GAB2: variants seen among roughly 807,000 people sequenced by gnomAD.
The protein encoded by GAB2 is GRB2 associated binding protein 2.
GAB2 carries 26 observed loss-of-function variants against 65.5 expected under a neutral mutation model. The observed-to-expected ratio is 0.40, with a 90% CI of 0.29 to 0.55. The LOEUF (loss-of-function observed/expected upper bound fraction) is 0.55, where lower values mean the gene tolerates loss of function less well. Ranked by LOEUF, GAB2 falls within the 20% of genes least tolerant of loss-of-function variation. GAB2 has a pLI of 0.53. For missense variants in GAB2, 884 were observed against 875.8 expected (o/e 1.01, Z -0.12); for synonymous variants, 321 against 329.6 (o/e 0.97, Z 0.28).
intron 1 of GAB2, among the ~76,000 whole-genome samples, chr11:78,397,402 A>G (rs1378710674): frequency 6.6e-6 from 1 of 152,232 alleles, no homozygotes; most frequent in African/African-American, 2.4e-5. Context: ...CTACCATTTT[A>G]GGGGAAGCAC....
chr11:78,221,646 G>T, intron 8 of GAB2, 31 bp downstream of exon 8: 2 of 1,408,436 alleles, frequency 1.4e-6, no homozygotes, highest in Non-Finnish European at 2.0e-6. Flanking sequence ...GACTTGAAAG[G>T]CGTCATTCCA....
chr11:78,302,988 G>T (rs1301288333), intron 1 of GAB2, among the ~76,000 whole-genome samples: 1 of 152,198 alleles, frequency 6.6e-6, no homozygotes, highest in African/African-American at 2.4e-5. Context: ...TGGGAGCTAA[G>T]CTATGAGGAT....
At chr11:78,379,628 C>A (rs1856672974) in intron 1 of GAB2, among the ~76,000 whole-genome samples, 1 of 152,182 alleles carries the variant, frequency 6.6e-6, no homozygotes, top group Admixed American at 6.5e-5. Flanking sequence ...TCTATTTTAA[C>A]ATCAAAATCA....
intron 1 of GAB2, among the ~76,000 whole-genome samples, chr11:78,391,854 T>A (rs188291352): frequency 6.6e-5 from 10 of 152,352 alleles, no homozygotes; most frequent in Admixed American, 3.9e-4. Flanking sequence ...CATTAACTTT[T>A]GGGCATGCTT....
intron 1 of GAB2, chr11:78,392,407 A>T (rs1052695459): frequency 6.6e-6 from 1 of 152,192 alleles, no homozygotes; most frequent in Non-Finnish European, 1.5e-5. Context: ...GTTGTTAGGA[A>T]CAATCAGTGC....
intron 1 of GAB2, among the ~76,000 whole-genome samples, chr11:78,385,753 G>A (rs1057217804): frequency 2.0e-5 from 3 of 152,216 alleles, no homozygotes; most frequent in African/African-American, 7.2e-5. Flanking sequence ...AAGTTACCAT[G>A]TAGAGATTGA....
At chr11:78,356,301 T>C (rs1444785335) in intron 1 of GAB2, among the ~76,000 whole-genome samples, 1 of 152,178 alleles carries the variant, frequency 6.6e-6, no homozygotes, top group Non-Finnish European at 1.5e-5. Context: ...CTACTGGATA[T>C]TGGGGCACTT....
intron 2 of GAB2, among the ~76,000 whole-genome samples, chr11:78,255,217 GCCA>G (rs1865564830): frequency 1.3e-5 from 2 of 152,090 alleles, no homozygotes; most frequent in East Asian, 3.9e-4. Flanking sequence ...ACTGCTGGCA[GCCA>G]CCAGGAACTA....
intron 1 of GAB2, among the ~76,000 whole-genome samples, chr11:78,376,064 AGGGGAAATATG>A (rs1212054593): frequency 6.6e-6 from 1 of 152,354 alleles, no homozygotes; most frequent in East Asian, 1.9e-4. Flanking sequence ...GTATAATTAG[AGGGGAAATATG>A]GGGGAAATGT....
intron 1 of GAB2, among the ~76,000 whole-genome samples, chr11:78,330,622 A>G (rs1025443985): frequency 6.6e-6 from 1 of 152,088 alleles, no homozygotes. Flanking sequence ...GAAAAGGCTT[A>G]CTCTTAGACC....
intron 1 of GAB2, among the ~76,000 whole-genome samples, chr11:78,328,085 T>C (rs559009962): frequency 2.2e-4 from 33 of 152,260 alleles, no homozygotes; most frequent in African/African-American, 7.5e-4. Context: ...CAAAGCCCTA[T>C]TACCCTCACC....
At chr11:78,411,885 C>T (rs1405664263) in intron 1 of GAB2, among the ~76,000 whole-genome samples, 2 of 151,994 alleles carry the variant, frequency 1.3e-5, no homozygotes, top group African/African-American at 2.4e-5. Context: ...CAAAAATGAG[C>T]TGGGCATGGT....
At chr11:78,323,592 T>C (rs970816399) in intron 1 of GAB2, among the ~76,000 whole-genome samples, 9 of 149,986 alleles carry the variant, frequency 6.0e-5, no homozygotes, top group Admixed American at 6.0e-4. Context: ...ATATTGGGTA[T>C]ACACAGACAT....
At chr11:78,406,222 G>A (rs2135088746) in intron 1 of GAB2, among the ~76,000 whole-genome samples, 1 of 152,306 alleles carries the variant, frequency 6.6e-6, no homozygotes, top group South Asian at 2.1e-4. Context: ...GAGTGTCAAT[G>A]GAGGTGGAAT....
chr11:78,297,945 G>A (rs1056251110), intron 1 of GAB2, among the ~76,000 whole-genome samples: 7 of 152,242 alleles, frequency 4.6e-5, no homozygotes, highest in African/African-American at 1.7e-4. Context: ...GCTCCTTGTT[G>A]AGGGGAATGG....
intron 1 of GAB2, among the ~76,000 whole-genome samples, chr11:78,410,643 G>A (rs1420407925): frequency 6.6e-6 from 1 of 152,184 alleles, no homozygotes; most frequent in Admixed American, 6.5e-5. Context: ...TCACATGTAT[G>A]TAACAACTTA....
At position 78,227,003 on chromosome 11, in the gene GAB2, ACTC is replaced by A. The variant is rs749030484; in HGVS notation, c.666_668del (p.Arg222del). The A allele has an allele frequency of 5.0e-5, 81 of 1,613,122 alleles. No homozygotes were observed. The highest frequency in any genetic ancestry group is 6.7e-5 in the Non-Finnish European group (79 of 1,179,852). On this transcript the variant is annotated inframe_deletion, in exon 4 of 10. Transcript: ENST00000361507. ...GGGCAAGTTTTTGTACAGCTGTGTC[ACTC>A]CTCATGAGAAAAGAGGCTCTGGTGC...
chr11:78,226,980 G>A lies in GAB2; in HGVS notation c.692C>T (p.Ala231Val). Residue 231 changes from alanine (A) to valine (V), a missense_variant, in exon 4 of 10, where the codon GCC (alanine) becomes GTC (valine). By Grantham distance (64) the Ala-to-Val change is moderately conservative. Transcript: ENST00000361507. ...MRSDTAVQKL[A>V]QGNGHCVNGI... The stretch of plus-strand genomic sequence containing the variant: ...GTTGACACAGTGTCCATTGCCCTGG[G>A]CAAGTTTTTGTACAGCTGTGTCACT... The A allele has an allele frequency of 6.2e-7, 1 of 1,613,654 alleles. No homozygotes were observed.
At chr11:78,266,066 T>C (rs549689814) in intron 2 of GAB2, among the ~76,000 whole-genome samples, 2 of 151,672 alleles carry the variant, frequency 1.3e-5, no homozygotes, top group African/African-American at 2.4e-5. Flanking sequence ...AATACAAAAA[T>C]TTGCCGGGTG....
Sources: gnomAD v4.1 joint callset for allele counts (sites outside exome capture counted in the v4.1 genomes callset) on GRCh38, gnomAD v4.1.1 for gene constraint, MANE v1.5 for transcripts, NCBI Gene and HGNC (gene_info 2026-07-23, HGNC 2026-07-21) for gene names.